NAALADL2: variants seen among roughly 807,000 people sequenced by gnomAD.
The protein encoded by NAALADL2 is inactive N-acetylated-alpha-linked acidic dipeptidase-like protein 2.
A neutral mutation model predicts 87.2 loss-of-function variants in NAALADL2; 76 were observed. The observed-to-expected ratio is 0.87, with a 90% confidence interval of 0.72 to 1.05. The LOEUF (loss-of-function observed/expected upper bound fraction) is 1.05, where lower values mean the gene tolerates loss of function less well. Among genes scored for constraint, NAALADL2 ranks in the 50% least tolerant of loss-of-function variants. NAALADL2 has a pLI of 0.00. For synonymous variants in NAALADL2, 354 were observed against 331.0 expected, an observed-to-expected ratio of 1.07 and a Z score of -0.75; for missense variants, 1,089 against 945.8, an observed-to-expected ratio of 1.15 and a Z score of -1.99.
intron 1 of NAALADL2, among the ~76,000 whole-genome samples, chr3:175,074,219 GA>G (rs1716176723): frequency 6.6e-6 from 1 of 152,142 alleles, no homozygotes; most frequent in South Asian, 2.1e-4. Flanking sequence ...AGATTTTTTA[GA>G]ATAATTACTA....
intron 11 of NAALADL2, among the ~76,000 whole-genome samples, chr3:175,677,955 T>C (rs756593168): frequency 7.9e-5 from 12 of 152,124 alleles, no homozygotes; most frequent in Non-Finnish European, 1.5e-4. Context: ...TATATAATCA[T>C]AGTTAAATTA....
chr3:175,670,267 C>T (rs2149840108), intron 11 of NAALADL2, among the ~76,000 whole-genome samples: 1 of 151,600 alleles, frequency 6.6e-6, no homozygotes, highest in African/African-American at 2.4e-5. Flanking sequence ...ATAATCACTT[C>T]AAAGTATTAA....
In NAALADL2 at chr3:175,097,050, G is replaced by C; in HGVS notation, c.304G>C (p.Glu102Gln). ...CAAAGGAAGGTTCCAGAGACTTCAA[G>C]AAGAATCTGACTACATTACCCATTA... ...SPKGRFQRLQEESDYITHYTR... is the reference protein window; with the variant it reads ...SPKGRFQRLQQESDYITHYTR... Residue 102 changes from glutamate (E) to glutamine (Q), a missense_variant, in exon 2 of 14, where the codon GAA (glutamate) becomes CAA (glutamine). Glu to Gln is a conservative substitution (Grantham distance 29, BLOSUM62 2). Transcript: ENST00000454872. 6.2e-7 allele frequency: 1 copy of C among 1,613,680 alleles called. No homozygotes were observed. Among genetic ancestry groups the C allele is most frequent in the Non-Finnish European group, 8.5e-7 (1 of 1,179,750 alleles).
intron 12 of NAALADL2, among the ~76,000 whole-genome samples, chr3:175,749,650 C>T (rs1215318368): frequency 1.3e-5 from 2 of 152,166 alleles, no homozygotes; most frequent in Non-Finnish European, 2.9e-5. Context: ...CTGAAAGGCT[C>T]CACCTTCCAA....
At chr3:174,555,615 T>C (rs987004951) in intron 2 of NAALADL2, among the ~76,000 whole-genome samples, 2 of 152,186 alleles carry the variant, frequency 1.3e-5, no homozygotes, top group African/African-American at 4.8e-5. Flanking sequence ...TTCAGTTTTT[T>C]GAACAGTTGT....
At chr3:175,133,494 C>CG (rs1728556628) in intron 2 of NAALADL2, among the ~76,000 whole-genome samples, 1 of 152,186 alleles carries the variant, frequency 6.6e-6, no homozygotes, top group Admixed American at 6.5e-5. Flanking sequence ...CCGAGGCTGG[C>CG]GGATCACTCG....
At chr3:174,727,620 C>G (rs1265682200) in intron 2 of NAALADL2, among the ~76,000 whole-genome samples, 1 of 152,022 alleles carries the variant, frequency 6.6e-6, no homozygotes, top group Non-Finnish European at 1.5e-5. Context: ...GAACAGAGTT[C>G]TCATGTATCC....
At chr3:175,269,029 C>G (rs573121567) in intron 4 of NAALADL2, among the ~76,000 whole-genome samples, 2 of 151,644 alleles carry the variant, frequency 1.3e-5, no homozygotes, top group South Asian at 4.2e-4. Flanking sequence ...ACCTCTGTCT[C>G]CCAGGTTCAA....
chr3:174,919,837 A>G (rs1449449147), intron 1 of NAALADL2, among the ~76,000 whole-genome samples: 3 of 152,192 alleles, frequency 2.0e-5, no homozygotes, highest in African/African-American at 4.8e-5. Context: ...TTGGGAGTCA[A>G]AATTACTCCT....
intron 2 of NAALADL2, among the ~76,000 whole-genome samples, chr3:174,634,413 T>C (rs1722434160): frequency 6.6e-6 from 1 of 151,450 alleles, no homozygotes; most frequent in Non-Finnish European, 1.5e-5. Flanking sequence ...AGTCCTAGAG[T>C]TGGTTGACAG....
At chr3:174,887,131 C>T (rs1252140539) in intron 1 of NAALADL2, among the ~76,000 whole-genome samples, 3 of 152,280 alleles carry the variant, frequency 2.0e-5, no homozygotes, top group Non-Finnish European at 2.9e-5. Context: ...ATTTCCTTTG[C>T]TATTATTTTG....
At chr3:175,639,072 A>G (rs1728922746) in intron 11 of NAALADL2, among the ~76,000 whole-genome samples, 1 of 152,158 alleles carries the variant, frequency 6.6e-6, no homozygotes, top group Non-Finnish European at 1.5e-5. Context: ...TATAAGTGGA[A>G]TCTCTTCCTT....
At chr3:175,584,017 G>A (rs1309406809) in intron 10 of NAALADL2, among the ~76,000 whole-genome samples, 1 of 151,450 alleles carries the variant, frequency 6.6e-6, no homozygotes, top group African/African-American at 2.4e-5. Context: ...TAGCACCAGT[G>A]AGGAAGGTAC....
At chr3:174,832,987 ATCTACATCTC>A (rs1413841272) in intron 3 of NAALADL2, among the ~76,000 whole-genome samples, 7 of 152,182 alleles carry the variant, frequency 4.6e-5, no homozygotes, top group African/African-American at 7.2e-5. Context: ...ATGTTTCTAC[ATCTACATCTC>A]TCTACATCTG....
intron 2 of NAALADL2, among the ~76,000 whole-genome samples, chr3:175,191,893 G>A (rs1738264223): frequency 6.6e-6 from 1 of 152,004 alleles, no homozygotes; most frequent in Non-Finnish European, 1.5e-5. Flanking sequence ...GTATCCCCAT[G>A]GAAAGCTTCT....
intron 4 of NAALADL2, among the ~76,000 whole-genome samples, chr3:175,295,848 C>T (rs1756294336): frequency 6.6e-6 from 1 of 151,994 alleles, no homozygotes. Flanking sequence ...TCTGACCTGT[C>T]CAGCCTTATC....
intron 10 of NAALADL2, among the ~76,000 whole-genome samples, chr3:175,597,681 C>T (rs540209623): frequency 2.0e-5 from 3 of 151,910 alleles, no homozygotes; most frequent in African/African-American, 7.2e-5. Flanking sequence ...TTGCCTCTGC[C>T]TACTAAATGC....
chr3:174,867,028 ATGT>A (rs1472679718), intron 1 of NAALADL2, among the ~76,000 whole-genome samples: 1 of 151,830 alleles, frequency 6.6e-6, no homozygotes, highest in Non-Finnish European at 1.5e-5. Flanking sequence ...AAAATATCTT[ATGT>A]TGTTTAGTAA....
intron 1 of NAALADL2, among the ~76,000 whole-genome samples, chr3:174,446,385 C>A (rs932698526): frequency 6.6e-6 from 1 of 151,966 alleles, no homozygotes; most frequent in African/African-American, 2.4e-5. Context: ...GCTTTTTGCT[C>A]TTTTACAATC....
Sources: allele counts gnomAD v4.1 joint callset (sites outside exome capture counted in the v4.1 genomes callset), GRCh38; gene constraint gnomAD v4.1.1; transcripts MANE v1.5; gene names NCBI Gene and HGNC (gene_info 2026-07-23, HGNC 2026-07-21).